Variants in CNTN4 observed in about 807,000 individuals in gnomAD.
The protein encoded by CNTN4 is contactin-4.
In CNTN4, 77 loss-of-function variants were observed where a neutral mutation model predicts 122.5. That is an observed-to-expected ratio of 0.63 (90% CI 0.52 to 0.76). The LOEUF (loss-of-function observed/expected upper bound fraction) is 0.76, where lower values mean the gene tolerates loss of function less well. CNTN4 is among the 30% of genes least tolerant of loss of function. The pLI is 0.00. For synonymous variants in CNTN4, 512 were observed against 447.0 expected (o/e 1.15, Z -1.83); for missense variants, 1,256 against 1,259.1 (o/e 1.00, Z 0.04).
At chr3:2,802,468 C>T (rs895892995) in intron 6 of CNTN4, among the ~76,000 whole-genome samples, 1 of 152,150 alleles carries the variant, frequency 6.6e-6, no homozygotes, top group African/African-American at 2.4e-5. Flanking sequence ...CACCGAGGTG[C>T]TGTCTAGTGT....
chr3:2,679,118 G>A (rs760374281), intron 4 of CNTN4, among the ~76,000 whole-genome samples: 3 of 151,956 alleles, frequency 2.0e-5, no homozygotes, highest in Non-Finnish European at 4.4e-5. Context: ...TTAATCAGCC[G>A]TTTTCCATCC....
intron 3 of CNTN4, among the ~76,000 whole-genome samples, chr3:2,459,454 C>G (rs1187134619): frequency 6.6e-6 from 1 of 151,998 alleles, no homozygotes; most frequent in Non-Finnish European, 1.5e-5. Context: ...CATTTTCAGT[C>G]CCATCATTAT....
intron 4 of CNTN4, among the ~76,000 whole-genome samples, chr3:2,718,849 C>T (rs374876182): frequency 2.0e-5 from 3 of 152,108 alleles, no homozygotes; most frequent in African/African-American, 7.2e-5. Context: ...TAAATGTAGA[C>T]ATATGCACAT....
At chr3:2,223,778 G>A (rs1162871940) in intron 2 of CNTN4, among the ~76,000 whole-genome samples, 1 of 152,196 alleles carries the variant, frequency 6.6e-6, no homozygotes, top group Non-Finnish European at 1.5e-5. Context: ...TAGTATAAGG[G>A]AGGGAAAATG....
At chr3:3,055,603 C>G (rs1393948427) in intron 24 of CNTN4, among the ~76,000 whole-genome samples, 1 of 152,190 alleles carries the variant, frequency 6.6e-6, no homozygotes, top group Non-Finnish European at 1.5e-5. Flanking sequence ...TAGATTTAGA[C>G]AGACATGGGT....
intron 2 of CNTN4, among the ~76,000 whole-genome samples, chr3:2,152,478 T>C (rs1281374743): frequency 6.6e-6 from 1 of 152,128 alleles, no homozygotes; most frequent in African/African-American, 2.4e-5. Flanking sequence ...GAATAAGCCA[T>C]GAGCCACACT....
At chr3:2,424,855 A>C (rs2047756301) in intron 3 of CNTN4, among the ~76,000 whole-genome samples, 1 of 152,126 alleles carries the variant, frequency 6.6e-6, no homozygotes, top group South Asian at 2.1e-4. Context: ...TTGGCTGCAT[A>C]AATGTCTTTC....
chr3:2,685,628 A>G (rs1439997655), intron 4 of CNTN4, among the ~76,000 whole-genome samples: 1 of 152,188 alleles, frequency 6.6e-6, no homozygotes, highest in Non-Finnish European at 1.5e-5. Flanking sequence ...TTTAAATGAG[A>G]AAACCTAACT....
chr3:2,859,058 C>A (rs1026003336), intron 7 of CNTN4, among the ~76,000 whole-genome samples: 1 of 152,228 alleles, frequency 6.6e-6, no homozygotes, highest in Non-Finnish European at 1.5e-5. Context: ...ATTCCTCCAA[C>A]CTCCCTGCTC....
intron 3 of CNTN4, among the ~76,000 whole-genome samples, chr3:2,341,434 G>C (rs1350368631): frequency 1.3e-5 from 2 of 152,210 alleles, no homozygotes; most frequent in African/African-American, 4.8e-5. Flanking sequence ...ATGCACAGAT[G>C]ATGTCTTCCA....
At position 3,039,854 on chromosome 3, in the gene CNTN4, G is replaced by T. The variant is rs543868561; in HGVS notation, c.2164-183G>T. On this transcript the variant is annotated intron_variant, in intron 19 of 24. Coordinates refer to ENST00000418658, the MANE Select transcript of CNTN4 (RefSeq NM_175607.3). ...CTCATTACGTTTTCAACCCTGTCCAGTACATCATAACTGTTTAAGATAGAC... is the reference window on the plus strand; with the variant it reads ...CTCATTACGTTTTCAACCCTGTCCATTACATCATAACTGTTTAAGATAGAC... 7 of 627,768 alleles carry T rather than the reference G, an allele frequency of 1.1e-5. No homozygotes were observed. In the East Asian group the frequency reaches 2.1e-4, roughly 18 times the overall value. 38.9% of individuals were successfully genotyped at this position (627,768 alleles called of 1,614,324 possible).
At chr3:2,609,569 C>T (rs2081395672) in intron 4 of CNTN4, among the ~76,000 whole-genome samples, 1 of 152,176 alleles carries the variant, frequency 6.6e-6, no homozygotes, top group South Asian at 2.1e-4. Flanking sequence ...AGGTAGTTCT[C>T]AAAAGCATTA....
chr3:2,797,035 C>G (rs1370553766), intron 6 of CNTN4, among the ~76,000 whole-genome samples: 2 of 152,150 alleles, frequency 1.3e-5, no homozygotes, highest in Non-Finnish European at 2.9e-5. Flanking sequence ...GAGTCTTGCT[C>G]TGTCACCCAG....
chr3:2,232,021 T>C (rs962138335), intron 2 of CNTN4, among the ~76,000 whole-genome samples: 1 of 152,130 alleles, frequency 6.6e-6, no homozygotes, highest in African/African-American at 2.4e-5. Context: ...TTAAATAACA[T>C]GTTTTAGATA....
chr3:2,358,434 G>A (rs1386720909), intron 3 of CNTN4, among the ~76,000 whole-genome samples: 1 of 151,774 alleles, frequency 6.6e-6, no homozygotes. Flanking sequence ...TTAGGATTAA[G>A]CGATAGCAAA....
chr3:2,283,486 A>G (rs964603203), intron 2 of CNTN4, among the ~76,000 whole-genome samples: 4 of 152,098 alleles, frequency 2.6e-5, no homozygotes, highest in Non-Finnish European at 5.9e-5. Flanking sequence ...TGTCACTGAA[A>G]CAGGCTCACA....
chr3:2,630,508 A>G (rs545613720), intron 4 of CNTN4, among the ~76,000 whole-genome samples: 1 of 152,324 alleles, frequency 6.6e-6, no homozygotes, highest in South Asian at 2.1e-4. Flanking sequence ...ATACTTAAGG[A>G]AAAAGTTTGC....
intron 10 of CNTN4, among the ~76,000 whole-genome samples, chr3:2,892,617 A>T (rs1312931403): frequency 6.6e-6 from 1 of 152,218 alleles, no homozygotes; most frequent in Non-Finnish European, 1.5e-5. Context: ...TTGCCCAAAA[A>T]GACTGATAGA....
chr3:2,689,162 C>T (rs374669189), intron 4 of CNTN4, among the ~76,000 whole-genome samples: 8 of 152,138 alleles, frequency 5.3e-5, no homozygotes, highest in East Asian at 1.9e-4. Flanking sequence ...CAGGTTGCTA[C>T]GGAAGTTGCT....
Sources: allele counts gnomAD v4.1 joint callset (sites outside exome capture counted in the v4.1 genomes callset), GRCh38; gene constraint gnomAD v4.1.1; transcripts MANE v1.5; gene names NCBI Gene and HGNC (gene_info 2026-07-23, HGNC 2026-07-21).